Variants in PDIK1L observed in about 807,000 individuals in gnomAD.
PDIK1L encodes PDLIM1 interacting kinase 1 like, also known as serine/threonine-protein kinase PDIK1L.
A neutral mutation model predicts 27.1 loss-of-function variants in PDIK1L; 9 were observed. The ratio of observed to expected loss-of-function variants is 0.33; its 90% CI spans 0.20 to 0.58. The LOEUF (loss-of-function observed/expected upper bound fraction) is 0.58, where lower values mean the gene tolerates loss of function less well. Ranked by LOEUF, PDIK1L falls within the 20% of genes least tolerant of loss-of-function variation. The probability of loss-of-function intolerance (pLI) is 0.86; values close to 1 mark genes in which losing one functional copy is unlikely to be tolerated. For synonymous variants in PDIK1L, 130 were observed against 141.7 expected (o/e 0.92, Z 0.59); for missense variants, 216 against 413.2 (o/e 0.52, Z 4.14).
chr1:26,113,024 A>C (rs1443512097), intron 1 of PDIK1L, among the ~76,000 whole-genome samples: 1 of 152,362 alleles, frequency 6.6e-6, no homozygotes, highest in East Asian at 1.9e-4. Context: ...GAGCCCCTTG[A>C]TATGCAGGAT....
chr1:26,125,329 A>G lies in PDIK1L; in HGVS notation c.*2752A>G, dbSNP rs2088059990. Reference sequence around the variant, plus strand: ...TGTTTTTAATTGTAAATTGTTATCAATCAAACTATTGTAGCAGCTACAAAG... The same window carrying G: ...TGTTTTTAATTGTAAATTGTTATCAGTCAAACTATTGTAGCAGCTACAAAG... On this transcript the variant is annotated 3_prime_UTR_variant, in exon 3 of 3. Coordinates refer to ENST00000374269, the MANE Select transcript of PDIK1L (RefSeq NM_152835.5). 3 of 152,732 alleles carry G rather than the reference A, an allele frequency of 2.0e-5. No homozygotes were observed. Among genetic ancestry groups the G allele is most frequent in the South Asian group, 4.1e-4 (2 of 4,830 alleles). 9.5% of individuals were successfully genotyped at this position (152,732 alleles called of 1,614,324 possible). A position where few individuals can be genotyped will look rare whatever the true frequency, so the allele number is the denominator to read the frequency against.
chr1:26,115,808 A>AC (rs966979914), intron 2 of PDIK1L, among the ~76,000 whole-genome samples: 1 of 151,904 alleles, frequency 6.6e-6, no homozygotes, highest in African/African-American at 2.4e-5. Flanking sequence ...TCAAAAAAAA[A>AC]AAAACAAAAA....
rs1301794154 is a variant in PDIK1L at position 26,122,160 on chromosome 1, C to T, written c.609C>T (p.Asn203=). Residue 203 remains asparagine (N), a synonymous_variant, in exon 3 of 3, where the codon AAC becomes AAT. Transcript: ENST00000374269. This position sits in a 1 kb window ranked among gnomAD's most constrained non-coding sequence, Gnocchi z 5.4. ...AAGTTTGTTCAGCCTCTGGGCAGAA[C>T]CCAGAAGAACCTGTCAGTGTAAACA... ...LSKVCSASGQ[N]PEEPVSVNKC... 1 of 1,614,158 alleles carries T rather than the reference C, an allele frequency of 6.2e-7. No individual in the cohort carries two copies. The highest frequency in any genetic ancestry group is 1.7e-5 in the Admixed American group (1 of 60,022).
At chr1:26,111,668 T>C (rs1257582555), upstream of PDIK1L, among the ~76,000 whole-genome samples, 2 of 150,938 alleles carry the variant, frequency 1.3e-5, no homozygotes, top group African/African-American at 4.9e-5. The surrounding 1 kb of genome is among the most constrained non-coding windows in gnomAD (Gnocchi z 4.0). Context: ...GCTCTGCAAA[T>C]CCTCGAGAGA....
At chr1:26,115,728 G>C (rs547545362) in intron 2 of PDIK1L, among the ~76,000 whole-genome samples, 54 of 152,208 alleles carry the variant, frequency 3.5e-4, no homozygotes, top group African/African-American at 1.3e-3. Context: ...CGTGAACCGG[G>C]GAGGCGGAGC....
chr1:26,122,634 A>G lies in PDIK1L; in HGVS notation c.*57A>G, dbSNP rs1384061002. 1.4e-5 allele frequency: 21 copies of G among 1,515,922 alleles called. No homozygotes were observed. The Admixed American group carries it at 1.7e-4, about 12-fold the overall frequency. The allele number at this position is 1,515,922 out of a possible 1,614,324, so 93.9% of individuals were successfully genotyped here. A position where few individuals can be genotyped will look rare whatever the true frequency, so the allele number is the denominator to read the frequency against. ...TGCTGCTTCTGTTTAACAGTGATGC[A>G]ACATTATGTGGCTGAAAAAGAATAT... On this transcript the variant is annotated 3_prime_UTR_variant, in exon 3 of 3. Coordinates refer to ENST00000374269, the MANE Select transcript of PDIK1L (RefSeq NM_152835.5). This position sits in a 1 kb window ranked among gnomAD's most constrained non-coding sequence, Gnocchi z 5.4.
chr1:26,121,504 T>C (rs1161588112), intron 2 of PDIK1L, among the ~76,000 whole-genome samples: 1 of 152,206 alleles, frequency 6.6e-6, no homozygotes, highest in African/African-American at 2.4e-5. Context: ...AACTTTGGTC[T>C]TTTCATGAAG....
At chr1:26,113,097 A>G (rs1272552273) in intron 1 of PDIK1L, among the ~76,000 whole-genome samples, 1 of 152,250 alleles carries the variant, frequency 6.6e-6, no homozygotes, top group East Asian at 1.9e-4. Context: ...TCTTATGACT[A>G]GGAAAAAGGA....
chr1:26,115,478 G>T (rs1373570956), intron 2 of PDIK1L, among the ~76,000 whole-genome samples: 1 of 152,222 alleles, frequency 6.6e-6, no homozygotes, highest in African/African-American at 2.4e-5. Flanking sequence ...GACATAGCTT[G>T]TTAAAGGCTA....
intron 2 of PDIK1L, among the ~76,000 whole-genome samples, chr1:26,119,088 A>G (rs1293147315): frequency 6.6e-6 from 1 of 152,184 alleles, no homozygotes; most frequent in African/African-American, 2.4e-5. Context: ...CAACAGGGAA[A>G]CCTACATAAT....
chr1:26,112,590 C>G (rs1356922396), intron 1 of PDIK1L: 1 of 152,256 alleles, frequency 6.6e-6, no homozygotes, highest in Non-Finnish European at 1.5e-5. Context: ...GCTGTGCAGC[C>G]GGCGCAGAGG....
rs371290245 is a variant in PDIK1L at position 26,122,576 on chromosome 1, G to A, written c.1025G>A (p.Ter342=). 3.1e-6 allele frequency: 5 copies of A among 1,598,700 alleles called. No individual in the cohort carries two copies. Among genetic ancestry groups the A allele is most frequent in the Non-Finnish European group, 4.3e-6 (5 of 1,171,286 alleles). The change falls in exon 3 of 3, where the codon TGA becomes TAA. Residue 342 remains the stop codon, a stop_retained_variant. Transcript: ENST00000374269. This position sits in a 1 kb window ranked among gnomAD's most constrained non-coding sequence, Gnocchi z 5.4. ...IAFKDSSWET[*] is the part of the protein sequence containing the mutation. Reference sequence around the variant, plus strand: ...TTTAAAGATAGCAGCTGGGAAACGTGACACATATTATTTGCAAATACCATG... The same window carrying A: ...TTTAAAGATAGCAGCTGGGAAACGTAACACATATTATTTGCAAATACCATG...
At chr1:26,116,995 C>A (rs567682219) in intron 2 of PDIK1L, among the ~76,000 whole-genome samples, 3 of 132,604 alleles carry the variant, frequency 2.3e-5, no homozygotes, top group East Asian at 2.5e-4. Context: ...GGATTACAGG[C>A]GTGAGCCACT....
At chr1:26,116,770 C>T (rs1195468551) in intron 2 of PDIK1L, among the ~76,000 whole-genome samples, 1 of 152,142 alleles carries the variant, frequency 6.6e-6, no homozygotes, top group Non-Finnish European at 1.5e-5. Flanking sequence ...GGCTGGAGCG[C>T]AGTGGTGCAA....
intron 2 of PDIK1L, among the ~76,000 whole-genome samples, chr1:26,118,873 G>A (rs2087925182): frequency 6.6e-6 from 1 of 152,212 alleles, no homozygotes; most frequent in Admixed American, 6.5e-5. Context: ...TTCTCCATAC[G>A]GATTTTAATT....
chr1:26,115,296 A>G (rs777102750), intron 2 of PDIK1L, among the ~76,000 whole-genome samples: 1 of 152,204 alleles, frequency 6.6e-6, no homozygotes, highest in Non-Finnish European at 1.5e-5. Flanking sequence ...AAGTGGTACA[A>G]TTGGGAGCTG....
chr1:26,125,165 A>G lies in PDIK1L; in HGVS notation c.*2588A>G, dbSNP rs1168885887. The G allele has an allele frequency of 6.6e-6, 1 of 152,606 alleles. No individual in the cohort carries two copies. Among genetic ancestry groups the G allele is most frequent in the African/African-American group, 2.4e-5 (1 of 41,442 alleles). The allele number at this position is 152,606 out of a possible 1,614,324, so 9.5% of individuals were successfully genotyped here. On this transcript the variant is annotated 3_prime_UTR_variant, in exon 3 of 3. Transcript: ENST00000374269. ...AGAATGTTATTTTGCACTAGTTGTC[A>G]CTTAGAAAGATGGGGTTCCTGTAGA...
At chr1:26,113,292 A>G (rs1006265880) in intron 1 of PDIK1L, among the ~76,000 whole-genome samples, 18 of 152,088 alleles carry the variant, frequency 1.2e-4, no homozygotes, top group African/African-American at 4.3e-4. Context: ...GATCGAGACC[A>G]TCCTGGCTAA....
intron 2 of PDIK1L, 52 bp from the exon 3 acceptor site, chr1:26,121,785 G>A (rs1307639026): frequency 2.7e-6 from 4 of 1,502,392 alleles, no homozygotes; most frequent in Non-Finnish European, 1.8e-6. Flanking sequence ...TCCTATAACT[G>A]AATTGTATAA....
Sources: allele counts gnomAD v4.1 joint callset (sites outside exome capture counted in the v4.1 genomes callset), GRCh38; gene constraint gnomAD v4.1.1; non-coding constraint Gnocchi (gnomAD v3.1); transcripts MANE v1.5; gene names NCBI Gene and HGNC (gene_info 2026-07-23, HGNC 2026-07-21).